Variants in FOXP1 observed in about 807,000 individuals in gnomAD.
FOXP1 encodes forkhead box P1, also known as forkhead box protein P1.
FOXP1 carries 15 observed loss-of-function variants against 98.2 expected under a neutral mutation model. The observed-to-expected ratio is 0.15, with a 90% CI of 0.10 to 0.24. The LOEUF is 0.24. FOXP1 is among the 10% of genes least tolerant of loss of function. The pLI is 1.00. For synonymous variants in FOXP1, 371 were observed against 314.5 expected, an observed-to-expected ratio of 1.18 and a Z score of -1.90; for missense variants, 633 against 848.5, an observed-to-expected ratio of 0.75 and a Z score of 3.15.
intron 7 of FOXP1, among the ~76,000 whole-genome samples, chr3:71,069,164 AG>A (rs2052917187): frequency 6.6e-6 from 1 of 152,234 alleles, no homozygotes; most frequent in African/African-American, 2.4e-5. Context: ...ACTGTTCCAT[AG>A]GAGTTTAAAT....
At chr3:71,582,754 G>T in intron 1 of FOXP1, 1 of 985,410 alleles carries the variant, frequency 1.0e-6, no homozygotes, top group South Asian at 4.7e-5. Context: ...GAGGCCGAGC[G>T]CGCGTAGGGG....
intron 5 of FOXP1, among the ~76,000 whole-genome samples, chr3:71,241,396 G>C (rs2067268774): frequency 6.6e-6 from 1 of 152,114 alleles, no homozygotes; most frequent in Non-Finnish European, 1.5e-5. Context: ...GGCGAGTGGA[G>C]AGCATTTGGC....
intron 5 of FOXP1, among the ~76,000 whole-genome samples, chr3:71,272,798 G>T (rs986129779): frequency 6.6e-6 from 1 of 152,066 alleles, no homozygotes; most frequent in African/African-American, 2.4e-5. Flanking sequence ...TTTTTGACTG[G>T]AAAGTCTTTC....
At chr3:71,519,970 T>C (rs568155358) in intron 2 of FOXP1, among the ~76,000 whole-genome samples, 1 of 152,194 alleles carries the variant, frequency 6.6e-6, no homozygotes, top group Admixed American at 6.5e-5. Flanking sequence ...TGGGACACAG[T>C]TTTCCAAGTA....
intron 3 of FOXP1, among the ~76,000 whole-genome samples, chr3:71,362,938 C>T (rs904830264): frequency 1.3e-5 from 2 of 152,090 alleles, no homozygotes; most frequent in Non-Finnish European, 2.9e-5. Context: ...AACTATACTG[C>T]TGAGGGTGTC....
intron 7 of FOXP1, among the ~76,000 whole-genome samples, chr3:71,081,652 T>C (rs941615274): frequency 2.6e-5 from 4 of 152,258 alleles, no homozygotes; most frequent in Non-Finnish European, 5.9e-5. Context: ...ACAGTCTTTC[T>C]GTATTTGTTG....
At chr3:71,036,098 G>A (rs2047541715) in intron 11 of FOXP1, among the ~76,000 whole-genome samples, 1 of 152,176 alleles carries the variant, frequency 6.6e-6, no homozygotes, top group South Asian at 2.1e-4. Flanking sequence ...ATGGCAACAT[G>A]TCAAGAGGCC....
At chr3:71,112,118 G>T (rs982479481) in intron 7 of FOXP1, among the ~76,000 whole-genome samples, 4 of 144,268 alleles carry the variant, frequency 2.8e-5, no homozygotes, top group African/African-American at 7.7e-5. Context: ...GGTGGTGGGT[G>T]GGGGGGTGGG....
chr3:71,578,154 G>GA (rs1223466148), intron 2 of FOXP1, among the ~76,000 whole-genome samples: 1 of 152,150 alleles, frequency 6.6e-6, no homozygotes, highest in Non-Finnish European at 1.5e-5. Flanking sequence ...TCGTGGAGAA[G>GA]AAACAGCTCA....
chr3:71,072,167 A>T (rs901735592), intron 7 of FOXP1, among the ~76,000 whole-genome samples: 13 of 152,224 alleles, frequency 8.5e-5, no homozygotes, highest in East Asian at 1.9e-4. Context: ...AAAATATTTT[A>T]AAAAATTAGC....
intron 3 of FOXP1, among the ~76,000 whole-genome samples, chr3:71,411,315 GTGTA>G (rs1455946267): frequency 3.1e-4 from 40 of 130,066 alleles, no homozygotes; most frequent in Admixed American, 4.5e-4. Context: ...GTGTGTGTGT[GTGTA>G]TGTGTGTGTG....
intron 11 of FOXP1, among the ~76,000 whole-genome samples, chr3:71,033,197 G>A (rs1301556061): frequency 6.6e-6 from 1 of 152,100 alleles, no homozygotes; most frequent in Non-Finnish European, 1.5e-5. Context: ...GCCAACAAAG[G>A]AATTTGGCAG....
intron 6 of FOXP1, among the ~76,000 whole-genome samples, chr3:71,181,053 GTC>G (rs1257975319): frequency 3.9e-5 from 6 of 152,200 alleles, no homozygotes; most frequent in Non-Finnish European, 7.3e-5. Flanking sequence ...AGGTTTGCCT[GTC>G]AAATAAGAAT....
intron 5 of FOXP1, among the ~76,000 whole-genome samples, chr3:71,264,784 A>G (rs771177546): frequency 3.9e-5 from 6 of 152,232 alleles, no homozygotes; most frequent in Non-Finnish European, 7.3e-5. Flanking sequence ...TACTCCCATC[A>G]ATATGAAAAA....
Position 71,176,113 on chromosome 3 carries a change from C to T in FOXP1, c.180+22089G>A, listed in dbSNP as rs980198150. Reference sequence around the variant, plus strand: ...GTACCAGAAATATTTTATCCAAATACATTTTTGTTGGTCAGAATAGGGTTC... The same window carrying T: ...GTACCAGAAATATTTTATCCAAATATATTTTTGTTGGTCAGAATAGGGTTC... On this transcript the variant is annotated intron_variant, in intron 6 of 20. Transcript: ENST00000649528. Among the ~76,000 whole-genome samples the T allele has an allele frequency of 4.6e-5, 7 of 152,170 alleles. No homozygotes were observed. The South Asian group carries it at 1.5e-3, about 32-fold the overall frequency.
chr3:71,216,839 C>T lies in FOXP1; in HGVS notation c.-11-18447G>A, dbSNP rs142938747. Among the ~76,000 whole-genome samples the T allele has an allele frequency of 1.2e-4, 18 of 152,264 alleles. 1 individual carries two copies. The highest frequency in any genetic ancestry group is 3.4e-3 in the Middle Eastern group (1 of 294). The stretch of plus-strand genomic sequence containing the variant: ...AACTGATGGTTAATTGTCCCTCCCC[C>T]ACCAGGGGACATTTGGCAATGGCTG... On this transcript the variant is annotated intron_variant, in intron 5 of 20. Transcript: ENST00000649528.
chr3:71,315,401 TA>T (rs1331046574), intron 4 of FOXP1, among the ~76,000 whole-genome samples: 21 of 151,242 alleles, frequency 1.4e-4, no homozygotes, highest in African/African-American at 4.4e-4. Flanking sequence ...GTTTTGCCAA[TA>T]AAAAAAAAGA....
At chr3:71,524,432 GT>G (rs1157335994) in intron 2 of FOXP1, among the ~76,000 whole-genome samples, 1 of 151,418 alleles carries the variant, frequency 6.6e-6, no homozygotes, top group African/African-American at 2.4e-5. Context: ...ACTCAATCAA[GT>G]TTTAAGTCTA....
intron 5 of FOXP1, among the ~76,000 whole-genome samples, chr3:71,209,843 A>G (rs2108451749): frequency 6.6e-6 from 1 of 152,340 alleles, no homozygotes; most frequent in Middle Eastern, 3.4e-3. Flanking sequence ...CCATTAATTT[A>G]ATTTTGATAC....
Sources: gnomAD v4.1 joint callset for allele counts (sites outside exome capture counted in the v4.1 genomes callset) on GRCh38, gnomAD v4.1.1 for gene constraint, MANE v1.5 for transcripts, NCBI Gene and HGNC (gene_info 2026-07-23, HGNC 2026-07-21) for gene names.